Variants in VPS13A observed in about 807,000 individuals in gnomAD.
The protein encoded by VPS13A is vacuolar protein sorting 13 homolog A.
In VPS13A, 264 loss-of-function variants were observed where a neutral mutation model predicts 390.9. The ratio of observed to expected loss-of-function variants is 0.68; its 90% confidence interval spans 0.61 to 0.75. The LOEUF is 0.75. Among genes scored for constraint, VPS13A ranks in the 30% least tolerant of loss-of-function variants. VPS13A has a pLI of 0.00. For missense variants in VPS13A, 3,409 were observed against 3,733.9 expected, an observed-to-expected ratio of 0.91 and a Z score of 2.27; for synonymous variants, 1,231 against 1,227.1, an observed-to-expected ratio of 1.00 and a Z score of -0.07.
At chr9:77,300,054 G>A (rs1272550547) in intron 33 of VPS13A, among the ~76,000 whole-genome samples, 2 of 152,026 alleles carry the variant, frequency 1.3e-5, no homozygotes, top group Non-Finnish European at 2.9e-5. Context: ...TAACAAACCT[G>A]CACATTCTGC....
chr9:77,327,770 C>T (rs1459133963), intron 45 of VPS13A, among the ~76,000 whole-genome samples: 3 of 152,068 alleles, frequency 2.0e-5, no homozygotes, highest in African/African-American at 4.8e-5. Context: ...CCTCTTCAGG[C>T]TCCAATTCTA....
intron 45 of VPS13A, among the ~76,000 whole-genome samples, chr9:77,326,025 C>A (rs1383425345): frequency 2.0e-5 from 3 of 152,112 alleles, no homozygotes; most frequent in Non-Finnish European, 4.4e-5. Flanking sequence ...TTTCACTGGG[C>A]ATAGAAATCT....
chr9:77,288,866 C>CT (rs1024937666), intron 31 of VPS13A, among the ~76,000 whole-genome samples: 30 of 117,510 alleles, frequency 2.6e-4, no homozygotes, highest in Non-Finnish European at 2.6e-4. Context: ...CCTTTCAGTT[C>CT]TTTAAGTTTT....
chr9:77,182,898 C>T (rs1824108675), intron 1 of VPS13A, among the ~76,000 whole-genome samples: 2 of 152,108 alleles, frequency 1.3e-5, no homozygotes, highest in Admixed American at 1.3e-4. Flanking sequence ...GGCCACTTAG[C>T]TGGATACCGC....
At chr9:77,298,970 C>T (rs1482482173) in intron 33 of VPS13A, among the ~76,000 whole-genome samples, 2 of 152,142 alleles carry the variant, frequency 1.3e-5, no homozygotes, top group Non-Finnish European at 2.9e-5. Context: ...TTTCAGTTTT[C>T]TGCAAATGGC....
chr9:77,306,657 C>G (rs1253458668), intron 34 of VPS13A, among the ~76,000 whole-genome samples: 1 of 151,954 alleles, frequency 6.6e-6, no homozygotes, highest in Non-Finnish European at 1.5e-5. Flanking sequence ...CCTCCAACTT[C>G]AATACAAAGC....
At chr9:77,334,053 T>A (rs1026497173) in intron 46 of VPS13A, among the ~76,000 whole-genome samples, 2 of 152,142 alleles carry the variant, frequency 1.3e-5, no homozygotes, top group Non-Finnish European at 2.9e-5. Flanking sequence ...GACTGACTCC[T>A]GGGCAAGATA....
intron 49 of VPS13A, 54 bp downstream of exon 49, chr9:77,340,336 C>G (rs1830746560): frequency 6.3e-7 from 1 of 1,597,306 alleles, no homozygotes; most frequent in African/African-American, 1.3e-5. Flanking sequence ...TTTCTATTAA[C>G]TACTTAATTA....
chr9:77,404,267 T>C (rs1225796885), intron 69 of VPS13A, among the ~76,000 whole-genome samples: 6 of 152,182 alleles, frequency 3.9e-5, no homozygotes, highest in Admixed American at 3.3e-4. Context: ...CAGGTAGACA[T>C]ACACACACAT....
intron 68 of VPS13A, among the ~76,000 whole-genome samples, chr9:77,393,702 G>A (rs536556222): frequency 9.3e-4 from 142 of 152,302 alleles, no homozygotes; most frequent in Non-Finnish European, 1.3e-3. Flanking sequence ...TTTTCTGAGC[G>A]ATAGGTCTCA....
At chr9:77,326,833 C>T (rs931323714) in intron 45 of VPS13A, among the ~76,000 whole-genome samples, 4 of 151,970 alleles carry the variant, frequency 2.6e-5, no homozygotes, top group East Asian at 1.9e-4. Flanking sequence ...TTCTTTTAGA[C>T]GGATCTTTAC....
At chr9:77,366,634 TGTA>T (rs1832445779) in intron 60 of VPS13A, 90 bp from the exon 61 acceptor site, 7 of 1,073,602 alleles carry the variant, frequency 6.5e-6, no homozygotes, top group Middle Eastern at 3.0e-4. Context: ...TTATTTATGG[TGTA>T]GTGAATTTAA....
intron 17 of VPS13A, among the ~76,000 whole-genome samples, chr9:77,230,940 T>A (rs1348194157): frequency 6.6e-6 from 1 of 152,194 alleles, no homozygotes; most frequent in Non-Finnish European, 1.5e-5. Flanking sequence ...TTTACAGTTT[T>A]CAGATACAGT....
chr9:77,245,465 A>G (rs1824751747), intron 19 of VPS13A, among the ~76,000 whole-genome samples: 1 of 152,226 alleles, frequency 6.6e-6, no homozygotes, highest in Admixed American at 6.5e-5. Flanking sequence ...GGGAAAAAGA[A>G]TGAATAACTG....
intron 35 of VPS13A, among the ~76,000 whole-genome samples, chr9:77,312,321 A>G (rs990899748): frequency 1.3e-5 from 2 of 152,198 alleles, no homozygotes; most frequent in African/African-American, 4.8e-5. Flanking sequence ...TTTATAAATT[A>G]ATAGCAACTT....
At chr9:77,193,935 A>G (rs1007421305) in intron 1 of VPS13A, among the ~76,000 whole-genome samples, 1 of 152,130 alleles carries the variant, frequency 6.6e-6, no homozygotes, top group South Asian at 2.1e-4. Context: ...CATGCATGCT[A>G]TAACCCTGGG....
intron 35 of VPS13A, among the ~76,000 whole-genome samples, chr9:77,312,617 G>A (rs892274745): frequency 2.0e-5 from 3 of 151,964 alleles, no homozygotes; most frequent in Admixed American, 6.6e-5. Flanking sequence ...TAGTAGAGAC[G>A]GGTTAGCCAG....
intron 10 of VPS13A, among the ~76,000 whole-genome samples, chr9:77,217,103 A>C (rs985244127): frequency 1.3e-5 from 2 of 152,142 alleles, no homozygotes; most frequent in Admixed American, 6.5e-5. Flanking sequence ...GTCAATATTA[A>C]CCATTACATG....
intron 1 of VPS13A, among the ~76,000 whole-genome samples, chr9:77,181,806 T>C (rs1048944407): frequency 6.6e-6 from 1 of 152,162 alleles, no homozygotes; most frequent in Non-Finnish European, 1.5e-5. Context: ...ATGAGGACTT[T>C]TCCAAAAACC....
Sources: gnomAD v4.1 joint callset for allele counts (sites outside exome capture counted in the v4.1 genomes callset) on GRCh38, gnomAD v4.1.1 for gene constraint, MANE v1.5 for transcripts, NCBI Gene and HGNC (gene_info 2026-07-23, HGNC 2026-07-21) for gene names.